SEPTIN7: variants seen among roughly 807,000 people sequenced by gnomAD.
The protein encoded by SEPTIN7 is septin 7, also known as septin-7.
SEPTIN7 carries 10 observed loss-of-function variants against 63.3 expected under a neutral mutation model. That is an observed-to-expected ratio of 0.16 (90% CI 0.10 to 0.27). The LOEUF (loss-of-function observed/expected upper bound fraction) is 0.27. Ranked by LOEUF, SEPTIN7 falls within the 10% of genes least tolerant of loss-of-function variation. SEPTIN7 has a pLI of 1.00. For synonymous variants in SEPTIN7, 131 were observed against 165.3 expected, an observed-to-expected ratio of 0.79 and a Z score of 1.59; for missense variants, 310 against 521.0, an observed-to-expected ratio of 0.59 and a Z score of 3.94.
At chr7:35,842,556 A>T (rs180940002) in intron 3 of SEPTIN7, among the ~76,000 whole-genome samples, 229 of 152,200 alleles carry the variant, frequency 1.5e-3, no homozygotes, top group African/African-American at 5.1e-3. Context: ...TATAATTGAG[A>T]TTTTTATCAT....
At chr7:35,823,039 G>A (rs1364671587) in intron 1 of SEPTIN7, among the ~76,000 whole-genome samples, 2 of 151,874 alleles carry the variant, frequency 1.3e-5, no homozygotes, top group Non-Finnish European at 2.9e-5. Flanking sequence ...TCATCTGAGA[G>A]CCATCCTTTT....
At chr7:35,877,903 A>C (rs1367015405) in intron 6 of SEPTIN7, among the ~76,000 whole-genome samples, 1 of 152,210 alleles carries the variant, frequency 6.6e-6, no homozygotes, top group Non-Finnish European at 1.5e-5. Flanking sequence ...TTACCTGTTG[A>C]AGTTGAAGAT....
chr7:35,867,099 C>T (rs1049742794), intron 4 of SEPTIN7, among the ~76,000 whole-genome samples: 2 of 152,052 alleles, frequency 1.3e-5, no homozygotes, highest in African/African-American at 4.8e-5. Context: ...TACCTTAGTT[C>T]TTTCAGAATG....
At chr7:35,837,864 A>G (rs1405318369) in intron 3 of SEPTIN7, among the ~76,000 whole-genome samples, 1 of 151,978 alleles carries the variant, frequency 6.6e-6, no homozygotes, top group East Asian at 1.9e-4. Flanking sequence ...CCCTGGGACT[A>G]CAGGTGTGCA....
chr7:35,834,054 G>A (rs1783960205), intron 3 of SEPTIN7, among the ~76,000 whole-genome samples: 1 of 151,988 alleles, frequency 6.6e-6, no homozygotes, highest in African/African-American at 2.4e-5. Context: ...AACTGCTGCT[G>A]TGGAGTAGAG....
chr7:35,907,264 A>G (rs1444377377), downstream of SEPTIN7, among the ~76,000 whole-genome samples: 2 of 152,188 alleles, frequency 1.3e-5, no homozygotes, highest in Non-Finnish European at 2.9e-5. Context: ...ACACCAGTAA[A>G]TCGAAGTCCT....
the SEPTIN7 span, among the ~76,000 whole-genome samples, chr7:35,915,720 G>T: frequency 6.6e-6 from 1 of 152,212 alleles, no homozygotes; most frequent in African/African-American, 2.4e-5. Flanking sequence ...CTGCAGGCCA[G>T]CTCTGAACCG....
intron 1 of SEPTIN7, among the ~76,000 whole-genome samples, chr7:35,830,265 G>T (rs1484255905): frequency 2.0e-5 from 3 of 152,148 alleles, no homozygotes; most frequent in Non-Finnish European, 4.4e-5. Flanking sequence ...TGTTTGGGGG[G>T]TAGTTAGGGA....
chr7:35,801,270 G>A lies in SEPTIN7; in HGVS notation c.61G>A (p.Val21Ile). Residue 21 changes from valine to isoleucine, a missense_variant and splice_region_variant, in exon 1 of 14, where the codon GTA becomes ATA. Transcript: ENST00000350320. ...EERSVNSSTM[V>I]AQQKNLEGYV... ...GAGGAGCGTCAACAGCAGCACCATG[G>A]GTGAGTCTCAGCTTCGGGTGCCGCG... The A allele has an allele frequency of 2.1e-6, 3 of 1,457,606 alleles. No homozygotes were observed. The highest frequency in any genetic ancestry group is 2.1e-5 in the African/African-American group (1 of 48,258). 90.3% of individuals were successfully genotyped at this position (1,457,606 alleles called of 1,614,324 possible).
In SEPTIN7 at chr7:35,849,488, C is replaced by T. The variant is rs138297400; in HGVS notation, c.170-14064C>T. Among the ~76,000 whole-genome samples, 1,285 of 152,304 alleles carry T rather than the reference C, an allele frequency of 8.4e-3. 15 individuals are homozygous for T. The highest frequency in any genetic ancestry group is 0.03 in the African/African-American group (1,253 of 41,572). On this transcript the variant is annotated intron_variant, in intron 3 of 13. Transcript: ENST00000350320. ...GGCGGAGCTCTGGCAGTAGTGTTCA[C>T]TACCACTCACCTCCTGCTGTGTGGC...
rs140711235 is a variant in SEPTIN7 at position 35,865,282 on chromosome 7, C to G, written c.276+1624C>G. ...TTAATGTACAGTTCATTTCCAGAAC[C>G]CTAGTTTCTTCTGTGTGCTCACTGT... On this transcript the variant is annotated intron_variant, in intron 4 of 13. Transcript: ENST00000350320. Among the ~76,000 whole-genome samples, 44 of 152,218 alleles carry G rather than the reference C, an allele frequency of 2.9e-4. No individual in the cohort carries two copies. The East Asian group carries it at 8.3e-3, about 29-fold the overall frequency.
At chr7:35,913,413 T>C in the SEPTIN7 span, among the ~76,000 whole-genome samples, 1 of 152,064 alleles carries the variant, frequency 6.6e-6, no homozygotes, top group African/African-American at 2.4e-5. Flanking sequence ...TTCTCTTTCT[T>C]TCTTTCTTTT....
intron 3 of SEPTIN7, among the ~76,000 whole-genome samples, chr7:35,853,348 C>T (rs1340232084): frequency 6.6e-6 from 1 of 152,116 alleles, no homozygotes; most frequent in African/African-American, 2.4e-5. Context: ...ATCACTTGAG[C>T]CCAGCAGGCA....
intron 4 of SEPTIN7, among the ~76,000 whole-genome samples, chr7:35,870,153 G>T (rs1223186382): frequency 6.6e-6 from 1 of 152,110 alleles, no homozygotes; most frequent in Non-Finnish European, 1.5e-5. Flanking sequence ...CTTTGTATTT[G>T]ACCGTGTATG....
At chr7:35,873,285 G>C (rs1292277154) in intron 5 of SEPTIN7, among the ~76,000 whole-genome samples, 3 of 151,872 alleles carry the variant, frequency 2.0e-5, no homozygotes, top group Non-Finnish European at 2.9e-5. Context: ...AAACTCCCAA[G>C]TTCACCATGA....
At chr7:35,807,288 A>T (rs1788407754) in intron 1 of SEPTIN7, among the ~76,000 whole-genome samples, 1 of 141,066 alleles carries the variant, frequency 7.1e-6, no homozygotes, top group Admixed American at 7.3e-5. Context: ...GGTTCAAGTG[A>T]TTCTCCTGCC....
At chr7:35,891,160 G>T (rs1787615681) in intron 11 of SEPTIN7, among the ~76,000 whole-genome samples, 1 of 152,118 alleles carries the variant, frequency 6.6e-6, no homozygotes, top group Non-Finnish European at 1.5e-5. Flanking sequence ...GTGTAGCTTT[G>T]CCCTGTTGAG....
Position 35,801,182 on chromosome 7 carries a change from T to G in SEPTIN7, c.-28T>G, listed in dbSNP as rs1490607502. ...GGAGAATCGGCGGGCTGCGCTCCGC[T>G]GGGGCTGGTCGCGGAGGGGGGGAGG... On this transcript the variant is annotated 5_prime_UTR_variant, in exon 1 of 14. Coordinates refer to ENST00000350320, the MANE Select transcript of SEPTIN7 (RefSeq NM_001788.6). 3.4e-6 allele frequency: 5 copies of G among 1,481,610 alleles called. No individual in the cohort carries two copies. The highest frequency in any genetic ancestry group is 4.5e-6 in the Non-Finnish European group (5 of 1,112,832). The allele number at this position is 1,481,610 out of a possible 1,614,324, so 91.8% of individuals were successfully genotyped here. A position where few individuals can be genotyped will look rare whatever the true frequency, so the allele number is the denominator to read the frequency against.
chr7:35,915,204 C>A, the SEPTIN7 span, among the ~76,000 whole-genome samples: 1 of 139,284 alleles, frequency 7.2e-6, no homozygotes, highest in Non-Finnish European at 1.6e-5. Flanking sequence ...AGGGGTGGGT[C>A]TGGCTAGTTA....
Sources: allele counts gnomAD v4.1 joint callset (sites outside exome capture counted in the v4.1 genomes callset), GRCh38; gene constraint gnomAD v4.1.1; transcripts MANE v1.5; gene names NCBI Gene and HGNC (gene_info 2026-07-23, HGNC 2026-07-21).